DCAF10: variants seen among roughly 807,000 people sequenced by gnomAD.
DCAF10 encodes DDB1 and CUL4 associated factor 10.
A neutral mutation model predicts 51.9 loss-of-function variants in DCAF10; 19 were observed. The ratio of observed to expected loss-of-function variants is 0.37; its 90% CI spans 0.26 to 0.54. DCAF10 has a LOEUF of 0.54. Ranked by LOEUF, DCAF10 falls within the 20% of genes least tolerant of loss-of-function variation. The probability of loss-of-function intolerance (pLI) is 0.87; values close to 1 mark genes in which losing one functional copy is unlikely to be tolerated. For missense variants in DCAF10, 510 were observed against 730.6 expected (o/e 0.70, Z 3.48); for synonymous variants, 291 against 297.1 (o/e 0.98, Z 0.21).
chr9:37,812,163 T>C (rs1829367829), intron 1 of DCAF10, among the ~76,000 whole-genome samples: 3 of 129,576 alleles, frequency 2.3e-5, no homozygotes, highest in Non-Finnish European at 5.3e-5. Context: ...GCCACCACAC[T>C]CCAAACCTTC....
At chr9:37,835,598 C>T (rs1830137921) in intron 2 of DCAF10, among the ~76,000 whole-genome samples, 1 of 150,918 alleles carries the variant, frequency 6.6e-6, no homozygotes, top group African/African-American at 2.4e-5. Context: ...GTTACCTGGG[C>T]GTGGTGGCGG....
intron 1 of DCAF10, among the ~76,000 whole-genome samples, chr9:37,802,473 A>G (rs1309372761): frequency 1.3e-5 from 2 of 152,358 alleles, no homozygotes; most frequent in Non-Finnish European, 2.9e-5. Context: ...GGAAAGGGAT[A>G]GAAGTATTTC....
chr9:37,816,659 G>GGGGGGGTGTGTGTGTGTGT (rs372664140), intron 1 of DCAF10, among the ~76,000 whole-genome samples: 22 of 144,982 alleles, frequency 1.5e-4, no homozygotes, highest in Non-Finnish European at 2.1e-4. Flanking sequence ...CTGCACCTGG[G>GGGGGGGTGTGTGTGTGTGT]GTGTGTGTGT....
At chr9:37,855,059 A>C (rs1166857682) in intron 4 of DCAF10, 77 bp downstream of exon 4, 1 of 1,360,192 alleles carries the variant, frequency 7.4e-7, no homozygotes, top group Non-Finnish European at 1.0e-6. Context: ...TTCTTTTCTG[A>C]AAATGATAGC....
chr9:37,836,554 A>G (rs1172986557), intron 2 of DCAF10, among the ~76,000 whole-genome samples: 1 of 152,166 alleles, frequency 6.6e-6, no homozygotes, highest in Non-Finnish European at 1.5e-5. Flanking sequence ...AGGGAATGGA[A>G]CTTTAATGCA....
At chr9:37,814,847 G>A (rs1443966800) in intron 1 of DCAF10, among the ~76,000 whole-genome samples, 1 of 152,152 alleles carries the variant, frequency 6.6e-6, no homozygotes, top group East Asian at 1.9e-4. Flanking sequence ...ACAAGAGCCA[G>A]TCTTAATTCA....
intron 3 of DCAF10, among the ~76,000 whole-genome samples, chr9:37,853,236 G>A (rs1489999261): frequency 6.7e-6 from 1 of 150,170 alleles, no homozygotes; most frequent in African/African-American, 2.5e-5. Flanking sequence ...AATTCTGGCC[G>A]GGCATGGTGG....
chr9:37,826,997 G>C (rs1012753630), intron 2 of DCAF10, among the ~76,000 whole-genome samples: 1 of 151,622 alleles, frequency 6.6e-6, no homozygotes, highest in Non-Finnish European at 1.5e-5. Flanking sequence ...GGCTAATTTT[G>C]TATTTTTTAG....
At chr9:37,804,101 A>G (rs1208599038) in intron 1 of DCAF10, among the ~76,000 whole-genome samples, 2 of 152,042 alleles carry the variant, frequency 1.3e-5, no homozygotes, top group Non-Finnish European at 2.9e-5. Flanking sequence ...AGCTATAGAG[A>G]TAATTCACAT....
intron 3 of DCAF10, among the ~76,000 whole-genome samples, chr9:37,846,778 T>C (rs1408975500): frequency 6.6e-6 from 1 of 152,110 alleles, no homozygotes; most frequent in Non-Finnish European, 1.5e-5. Flanking sequence ...TTAAAAATAC[T>C]CCCACAGTGA....
Position 37,801,239 on chromosome 9 carries a change from G to C in DCAF10, c.373G>C (p.Gly125Arg), listed in dbSNP as rs769555483. 1.3e-5 allele frequency: 20 copies of C among 1,580,970 alleles called. No homozygotes were observed. Among genetic ancestry groups the C allele is most frequent in the Middle Eastern group, 1.7e-4 (1 of 6,012 alleles). Reference sequence around the variant, plus strand: ...GGGCGGCCCTGGCGCTAGGCTGTTCGGGTGGCTGAAAGAGCGCAGCCTGGG... The same window carrying C: ...GGGCGGCCCTGGCGCTAGGCTGTTCCGGTGGCTGAAAGAGCGCAGCCTGGG... Reference protein sequence around the residue: ...GLGGPGARLFGWLKERSLGRG... With the variant: ...GLGGPGARLFRWLKERSLGRG... The change falls in exon 1 of 7, where the codon GGG becomes CGG. Residue 125 changes from glycine to arginine, a missense_variant. Physicochemically the swap from Gly to Arg is moderately radical, Grantham distance 125. Transcript: ENST00000377724. The surrounding 1 kb of genome is among the most constrained non-coding windows in gnomAD (Gnocchi z 5.5).
chr9:37,803,832 G>A (rs1829030392), intron 1 of DCAF10, among the ~76,000 whole-genome samples: 1 of 150,850 alleles, frequency 6.6e-6, no homozygotes, highest in Non-Finnish European at 1.5e-5. Context: ...CAGAGAAGGA[G>A]GGGGTGACAC....
intron 2 of DCAF10, among the ~76,000 whole-genome samples, chr9:37,821,885 C>T (rs746961814): frequency 2.6e-5 from 4 of 151,796 alleles, no homozygotes; most frequent in Non-Finnish European, 4.4e-5. Context: ...GACTAATATC[C>T]AGAATCTACA....
At chr9:37,832,673 T>C (rs1375682540) in intron 2 of DCAF10, among the ~76,000 whole-genome samples, 1 of 152,154 alleles carries the variant, frequency 6.6e-6, no homozygotes, top group East Asian at 1.9e-4. Flanking sequence ...TCAAGTAATA[T>C]AAAATCACTG....
At chr9:37,858,840 A>G (rs1174051101) in intron 5 of DCAF10, among the ~76,000 whole-genome samples, 1 of 152,188 alleles carries the variant, frequency 6.6e-6, no homozygotes, top group Admixed American at 6.5e-5. Flanking sequence ...ATGTAGCACA[A>G]ATAAAATCAA....
At chr9:37,836,015 C>T (rs1830153757) in intron 2 of DCAF10, 1 of 1,009,474 alleles carries the variant, frequency 9.9e-7, no homozygotes, top group African/African-American at 1.6e-5. Flanking sequence ...CGCCGGCACA[C>T]GGCCCCAAAC....
chr9:37,836,048 G>A (rs1365902512), intron 2 of DCAF10: 1 of 1,102,680 alleles, frequency 9.1e-7, no homozygotes, highest in African/African-American at 1.5e-5. Context: ...GCCACGGTAA[G>A]GCTGTATTGG....
At chr9:37,856,385 C>T (rs926944630) in intron 4 of DCAF10, among the ~76,000 whole-genome samples, 1 of 152,176 alleles carries the variant, frequency 6.6e-6, no homozygotes, top group Non-Finnish European at 1.5e-5. Context: ...TGATAAGCAA[C>T]TCTAACTTAG....
In DCAF10 at chr9:37,832,303, C is replaced by G. The variant is rs138782946; in HGVS notation, c.654-9786C>G. On this transcript the variant is annotated intron_variant, in intron 2 of 6. Transcript: ENST00000377724. ...TGAAACCCCATCTCTACTAAAAATA[C>G]AAAAATTAGTGGGGCATGGTGGCGG... Among the ~76,000 whole-genome samples the G allele has an allele frequency of 7.8e-3, 1,113 of 143,604 alleles. 16 individuals carry two copies. Among genetic ancestry groups the G allele is most frequent in the African/African-American group, 0.027 (1,060 of 38,672 alleles). The allele number at this position is 143,604 out of a possible 152,430, so 94.2% of individuals were successfully genotyped here.
Sources: gnomAD v4.1 joint callset for allele counts (sites outside exome capture counted in the v4.1 genomes callset) on GRCh38, gnomAD v4.1.1 for gene constraint, Gnocchi (gnomAD v3.1) non-coding constraint, MANE v1.5 for transcripts, NCBI Gene and HGNC (gene_info 2026-07-23, HGNC 2026-07-21) for gene names.